FAM227B: variants seen among roughly 807,000 people sequenced by gnomAD.
FAM227B encodes the protein family with sequence similarity 227 member B, also known as protein FAM227B.
Under a neutral mutation model 73.8 loss-of-function variants are expected in FAM227B, and 88 were observed. That is an observed-to-expected ratio of 1.19 (90% CI 1.00 to 1.42). The LOEUF is 1.42. FAM227B is among the 40% of genes most tolerant of loss of function. The pLI is 0.00. For missense variants in FAM227B, 632 were observed against 590.9 expected (o/e 1.07, Z -0.72); for synonymous variants, 210 against 190.5 (o/e 1.10, Z -0.84).
chr15:49,371,221 C>A, intron 12 of FAM227B, 81 bp downstream of exon 12: 1 of 739,160 alleles, frequency 1.4e-6, no homozygotes, highest in South Asian at 1.8e-5. Flanking sequence ...ACCAGCATTG[C>A]CTATGTACAG....
chr15:49,491,160 A>G (rs995662024), intron 11 of FAM227B, among the ~76,000 whole-genome samples: 1 of 151,902 alleles, frequency 6.6e-6, no homozygotes, highest in African/African-American at 2.4e-5. Flanking sequence ...CTCAACATCC[A>G]TTCAGATTCA....
At chr15:49,517,539 CAT>C (rs1281411336) in intron 10 of FAM227B, among the ~76,000 whole-genome samples, 3 of 152,012 alleles carry the variant, frequency 2.0e-5, no homozygotes, top group East Asian at 1.9e-4. Flanking sequence ...ACTCAGAAAA[CAT>C]GTGATTCTTG....
chr15:49,381,793 C>A (rs2046552802), intron 11 of FAM227B, among the ~76,000 whole-genome samples: 1 of 152,098 alleles, frequency 6.6e-6, no homozygotes, highest in Non-Finnish European at 1.5e-5. Context: ...ACAAGATAAT[C>A]ATTTTAATAA....
At chr15:49,484,018 G>A (rs1375188310) in intron 11 of FAM227B, among the ~76,000 whole-genome samples, 2 of 151,906 alleles carry the variant, frequency 1.3e-5, no homozygotes, top group East Asian at 3.9e-4. Flanking sequence ...GTTACTTAGG[G>A]GGAAATAGGT....
At chr15:49,448,405 T>A (rs1479314855) in intron 11 of FAM227B, among the ~76,000 whole-genome samples, 1 of 151,632 alleles carries the variant, frequency 6.6e-6, no homozygotes, top group Non-Finnish European at 1.5e-5. Context: ...CTAACCACAA[T>A]ATAGAACTGA....
At chr15:49,463,889 A>C (rs2054027132) in intron 11 of FAM227B, among the ~76,000 whole-genome samples, 1 of 152,086 alleles carries the variant, frequency 6.6e-6, no homozygotes, top group Non-Finnish European at 1.5e-5. Context: ...AGACTACTTC[A>C]AACTGATTTG....
At chr15:49,425,096 T>C (rs2050008218) in intron 11 of FAM227B, 1 of 152,108 alleles carries the variant, frequency 6.6e-6, no homozygotes, top group East Asian at 1.9e-4. Context: ...AATGATAAAA[T>C]AGAAGGGAAT....
At chr15:49,491,689 T>A (rs976189908) in intron 11 of FAM227B, among the ~76,000 whole-genome samples, 3 of 150,880 alleles carry the variant, frequency 2.0e-5, no homozygotes, top group African/African-American at 7.3e-5. Flanking sequence ...CACTCTAATA[T>A]AGTAATTGAT....
chr15:49,432,992 T>TA (rs2050750463), intron 11 of FAM227B, among the ~76,000 whole-genome samples: 1 of 151,616 alleles, frequency 6.6e-6, no homozygotes, highest in African/African-American at 2.4e-5. Flanking sequence ...TCTAAAACAA[T>TA]AAATTTTTAC....
At chr15:49,409,156 T>C (rs1178172832) in intron 11 of FAM227B, among the ~76,000 whole-genome samples, 2 of 152,110 alleles carry the variant, frequency 1.3e-5, no homozygotes, top group African/African-American at 2.4e-5. Context: ...CTTTCTTTCT[T>C]AGCAAGTTTC....
At chr15:49,524,529 G>T (rs2060014412) in intron 10 of FAM227B, among the ~76,000 whole-genome samples, 2 of 152,226 alleles carry the variant, frequency 1.3e-5, no homozygotes, top group African/African-American at 4.8e-5. Flanking sequence ...AGTGCAGAAG[G>T]AAAATGTGGG....
At chr15:49,349,197 AT>A (rs1338349128) in intron 13 of FAM227B, among the ~76,000 whole-genome samples, 1 of 152,156 alleles carries the variant, frequency 6.6e-6, no homozygotes, top group African/African-American at 2.4e-5. Flanking sequence ...AGATATTACA[AT>A]TTTTTAATTG....
At chr15:49,394,844 C>G (rs1027139516) in intron 11 of FAM227B, among the ~76,000 whole-genome samples, 1 of 152,024 alleles carries the variant, frequency 6.6e-6, no homozygotes, top group African/African-American at 2.4e-5. Flanking sequence ...TGTAATTGTT[C>G]CATTTGTACC....
intron 12 of FAM227B, 26 bp downstream of exon 12, chr15:49,371,276 T>G (rs2045786417): frequency 2.1e-6 from 3 of 1,418,776 alleles, no homozygotes; most frequent in South Asian, 2.4e-5. Flanking sequence ...AGTAAGAAAT[T>G]TTTTCATAAT....
intron 9 of FAM227B, among the ~76,000 whole-genome samples, chr15:49,563,592 C>T (rs28871940): frequency 0.33 from 49,881 of 151,888 alleles, 8,962 homozygotes; most frequent in African/African-American, 0.46. Flanking sequence ...CTTCTGACTA[C>T]ACTATAAGGT....
intron 11 of FAM227B, among the ~76,000 whole-genome samples, chr15:49,443,587 T>C (rs2051886022): frequency 6.6e-6 from 1 of 151,716 alleles, no homozygotes; most frequent in South Asian, 2.1e-4. Context: ...AATGAGAAAA[T>C]AGTTTTCTAG....
In FAM227B at chr15:49,589,887, G is replaced by C; in HGVS notation, c.226C>G (p.Arg76Gly). 1 of 1,598,786 alleles carries C rather than the reference G, an allele frequency of 6.3e-7. No homozygotes were observed. The highest frequency in any genetic ancestry group is 8.6e-7 in the Non-Finnish European group (1 of 1,166,362). Residue 76 changes from arginine to glycine, a missense_variant, in exon 4 of 16, where the codon CGA (arginine) becomes GGA (glycine). Physicochemically the swap from Arg to Gly is moderately radical, Grantham distance 125. Coordinates refer to ENST00000299338, the MANE Select transcript of FAM227B (RefSeq NM_152647.3). Reference protein sequence around the residue: ...IYTHLWENVPRIFEALLIMES... With the variant: ...IYTHLWENVPGIFEALLIMES... ...ATGATCAAAAGTGCTTCAAATATTC[G>C]AGGAACATTTTCCCATAGGTGTGTA...
intron 11 of FAM227B, among the ~76,000 whole-genome samples, chr15:49,469,329 G>A (rs1459826827): frequency 1.3e-5 from 2 of 151,718 alleles, no homozygotes; most frequent in East Asian, 3.9e-4. Context: ...TTTATTCCAG[G>A]GATACTCTTA....
chr15:49,553,892 C>A (rs539236040), intron 9 of FAM227B, among the ~76,000 whole-genome samples: 3 of 152,310 alleles, frequency 2.0e-5, no homozygotes, highest in South Asian at 4.1e-4. Context: ...GCTCTCCCCA[C>A]CTGTGGCCAT....
Sources: allele counts gnomAD v4.1 joint callset (sites outside exome capture counted in the v4.1 genomes callset), GRCh38; gene constraint gnomAD v4.1.1; transcripts MANE v1.5; gene names NCBI Gene and HGNC (gene_info 2026-07-23, HGNC 2026-07-21).